Variants in MYT1L observed in about 807,000 individuals in gnomAD.
The protein encoded by MYT1L is myelin transcription factor 1-like protein.
MYT1L carries 12 observed loss-of-function variants against 126.7 expected under a neutral mutation model. The ratio of observed to expected loss-of-function variants is 0.09; its 90% CI spans 0.06 to 0.15. The LOEUF (loss-of-function observed/expected upper bound fraction) is 0.15, where lower values mean the gene tolerates loss of function less well. MYT1L is among the 10% of genes least tolerant of loss of function. The probability of loss-of-function intolerance (pLI) is 1.00; values close to 1 mark genes in which losing one functional copy is unlikely to be tolerated. For synonymous variants in MYT1L, 541 were observed against 604.2 expected, an observed-to-expected ratio of 0.90 and a Z score of 1.53; for missense variants, 979 against 1,585.2, an observed-to-expected ratio of 0.62 and a Z score of 6.49.
intron 14 of MYT1L, among the ~76,000 whole-genome samples, chr2:1,894,725 G>T (rs1558308756): frequency 6.6e-6 from 1 of 152,140 alleles, no homozygotes; most frequent in African/African-American, 2.4e-5. Context: ...GACATAGGTC[G>T]GCTGGCAACC....
At chr2:1,930,830 G>A (rs751324713) in intron 9 of MYT1L, among the ~76,000 whole-genome samples, 4 of 152,262 alleles carry the variant, frequency 2.6e-5, no homozygotes, top group East Asian at 1.9e-4. Context: ...ATAGGTAAAC[G>A]CGTGTTGCAG....
At chr2:1,936,598 C>G (rs1005372466) in intron 9 of MYT1L, among the ~76,000 whole-genome samples, 1 of 152,188 alleles carries the variant, frequency 6.6e-6, no homozygotes, top group African/African-American at 2.4e-5. Context: ...ATCTTTGTTT[C>G]TATGTTGGTC....
chr2:2,234,778 G>A (rs1032474135), intron 2 of MYT1L, among the ~76,000 whole-genome samples: 2 of 152,220 alleles, frequency 1.3e-5, no homozygotes, highest in Admixed American at 6.5e-5. Context: ...AGCTTGGTAA[G>A]TTGGGAGCTT....
At chr2:2,184,291 CA>C (rs2091890292) in intron 2 of MYT1L, among the ~76,000 whole-genome samples, 1 of 152,098 alleles carries the variant, frequency 6.6e-6, no homozygotes, top group East Asian at 1.9e-4. Flanking sequence ...AGTGTTAATG[CA>C]TGTGTGTGTT....
chr2:1,854,840 C>T (rs2043706197), intron 18 of MYT1L, among the ~76,000 whole-genome samples: 1 of 152,178 alleles, frequency 6.6e-6, no homozygotes, highest in African/African-American at 2.4e-5. Context: ...GACGCCTCTC[C>T]ACCCGCCTGC....
chr2:1,930,500 G>A (rs757224465), intron 9 of MYT1L, among the ~76,000 whole-genome samples: 1 of 151,992 alleles, frequency 6.6e-6, no homozygotes, highest in East Asian at 1.9e-4. Context: ...CAATCACAAC[G>A]CTTCAAATAC....
At chr2:2,041,717 G>C (rs971100944) in intron 4 of MYT1L, among the ~76,000 whole-genome samples, 3 of 152,194 alleles carry the variant, frequency 2.0e-5, no homozygotes, top group African/African-American at 7.2e-5. Context: ...TTTCCGGAAA[G>C]AAGGGAAGGG....
rs2041297618 is a variant in MYT1L, at chr2:1,839,140, G to C, written c.3080+9C>G. On this transcript the variant is annotated intron_variant, in intron 21 of 24. Coordinates refer to ENST00000647738, the MANE Select transcript of MYT1L (RefSeq NM_001303052.2). ...TCCCAGCCAGGGTCCCGCAGACGCGGCCACTCACCTGCGGTGTGTGAGGAA... is the reference window on the plus strand; with the variant it reads ...TCCCAGCCAGGGTCCCGCAGACGCGCCCACTCACCTGCGGTGTGTGAGGAA... 1 of 1,600,862 alleles carries C rather than the reference G, an allele frequency of 6.2e-7. No homozygotes were observed. Among genetic ancestry groups the C allele is most frequent in the African/African-American group, 1.3e-5 (1 of 74,694 alleles).
At chr2:1,814,346 G>A (rs542748284) in intron 21 of MYT1L, among the ~76,000 whole-genome samples, 4 of 152,314 alleles carry the variant, frequency 2.6e-5, no homozygotes, top group South Asian at 4.1e-4. Flanking sequence ...CCACCACAGC[G>A]CTGCCTTCCT....
At chr2:2,200,994 C>T (rs2093048354) in intron 2 of MYT1L, among the ~76,000 whole-genome samples, 1 of 152,186 alleles carries the variant, frequency 6.6e-6, no homozygotes, top group Non-Finnish European at 1.5e-5. Context: ...AATCTTTACT[C>T]AGTAAGATAT....
intron 3 of MYT1L, among the ~76,000 whole-genome samples, chr2:2,069,879 A>G (rs1018801127): frequency 1.3e-5 from 2 of 149,712 alleles, no homozygotes; most frequent in Non-Finnish European, 3.0e-5. Flanking sequence ...TCTTTTGAAA[A>G]GCGTCTGTTC....
intron 3 of MYT1L, among the ~76,000 whole-genome samples, chr2:2,068,416 C>G (rs1468167865): frequency 1.3e-5 from 2 of 152,156 alleles, no homozygotes; most frequent in South Asian, 4.1e-4. Context: ...CCTCCCTGTC[C>G]TGACACCCAG....
At chr2:2,166,110 C>T (rs2089065968) in intron 3 of MYT1L, among the ~76,000 whole-genome samples, 1 of 152,042 alleles carries the variant, frequency 6.6e-6, no homozygotes, top group Non-Finnish European at 1.5e-5. Flanking sequence ...GAGAATTTCT[C>T]CCTCTTCTTA....
rs1043582492 is a variant in MYT1L at position 1,790,240 on chromosome 2, C to T, written c.*1627G>A. 4.6e-5 allele frequency: 7 copies of T among 152,080 alleles called. No homozygotes were observed. Among genetic ancestry groups the T allele is most frequent in the African/African-American group, 1.4e-4 (6 of 41,428 alleles). The allele number at this position is 152,080 out of a possible 1,614,324, so 9.4% of individuals were successfully genotyped here. A position where few individuals can be genotyped will look rare whatever the true frequency, so the allele number is the denominator to read the frequency against. ...TATTTTTTTTTTATTTTTACAAAACCCATCTTTTTTTTATTTCATAACAAA... is the reference window on the plus strand; with the variant it reads ...TATTTTTTTTTTATTTTTACAAAACTCATCTTTTTTTTATTTCATAACAAA... On this transcript the variant is annotated 3_prime_UTR_variant, in exon 25 of 25. Coordinates refer to ENST00000647738, the MANE Select transcript of MYT1L (RefSeq NM_001303052.2).
intron 3 of MYT1L, among the ~76,000 whole-genome samples, chr2:2,075,890 C>T (rs572470924): frequency 6.6e-6 from 1 of 152,360 alleles, no homozygotes; most frequent in Admixed American, 6.5e-5. Flanking sequence ...TTCCCATCCC[C>T]CTCTTCATCC....
At chr2:1,965,119 C>A (rs1436279520) in intron 8 of MYT1L, among the ~76,000 whole-genome samples, 1 of 152,162 alleles carries the variant, frequency 6.6e-6, no homozygotes, top group Non-Finnish European at 1.5e-5. Context: ...AGGGATCAGG[C>A]AGGGAAGAGG....
intron 1 of MYT1L, among the ~76,000 whole-genome samples, chr2:2,297,426 C>A (rs970584774): frequency 2.6e-5 from 4 of 152,214 alleles, no homozygotes; most frequent in Non-Finnish European, 5.9e-5. Context: ...GGAGGAGGCC[C>A]TGGGGTTAGT....
chr2:1,836,454 T>A (rs35674987), intron 21 of MYT1L, among the ~76,000 whole-genome samples: 64,330 of 150,006 alleles, frequency 0.43, 14,354 homozygotes, highest in East Asian at 0.67. Context: ...CAACATTCCA[T>A]CAGCCTGTGC....
At chr2:2,057,254 C>A (rs2069709158) in intron 3 of MYT1L, among the ~76,000 whole-genome samples, 1 of 152,136 alleles carries the variant, frequency 6.6e-6, no homozygotes, top group Non-Finnish European at 1.5e-5. Flanking sequence ...CCTGCCCTTT[C>A]ATCACCAAGT....
Sources: allele counts gnomAD v4.1 joint callset (sites outside exome capture counted in the v4.1 genomes callset), GRCh38; gene constraint gnomAD v4.1.1; transcripts MANE v1.5; gene names NCBI Gene and HGNC (gene_info 2026-07-23, HGNC 2026-07-21).